PTPRD: variants seen among roughly 807,000 people sequenced by gnomAD.
The protein encoded by PTPRD is protein tyrosine phosphatase receptor type D.
In PTPRD, 34 loss-of-function variants were observed where a neutral mutation model predicts 214.5. The ratio of observed to expected loss-of-function variants is 0.16; its 90% confidence interval spans 0.12 to 0.21. PTPRD has a LOEUF of 0.21. Ranked by LOEUF, PTPRD falls within the 10% of genes least tolerant of loss-of-function variation. PTPRD has a pLI of 1.00. For missense variants in PTPRD, 2,545 were observed against 2,398.7 expected, an observed-to-expected ratio of 1.06 and a Z score of -1.27; for synonymous variants, 1,128 against 845.7, an observed-to-expected ratio of 1.33 and a Z score of -5.79.
chr9:9,841,791 A>G (rs1471924336), intron 5 of PTPRD, among the ~76,000 whole-genome samples: 3 of 152,060 alleles, frequency 2.0e-5, no homozygotes, highest in Non-Finnish European at 4.4e-5. Context: ...TAACCCATAC[A>G]CACATGCCAT....
chr9:8,755,224 A>C (rs551233410), intron 11 of PTPRD, among the ~76,000 whole-genome samples: 1 of 149,986 alleles, frequency 6.7e-6, no homozygotes, highest in African/African-American at 2.5e-5. Flanking sequence ...TTATTAAAAA[A>C]AAAAAAAACA....
At chr9:8,682,229 G>A (rs573744629) in intron 12 of PTPRD, among the ~76,000 whole-genome samples, 48 of 152,318 alleles carry the variant, frequency 3.2e-4, no homozygotes, top group African/African-American at 1.1e-3. Flanking sequence ...CACGAGAGAA[G>A]TCTAAATAAG....
intron 8 of PTPRD, among the ~76,000 whole-genome samples, chr9:9,573,310 T>A (rs1205679123): frequency 6.6e-6 from 1 of 151,448 alleles, no homozygotes; most frequent in Non-Finnish European, 1.5e-5. Context: ...CAAAGATACT[T>A]CTTATGTTCT....
intron 2 of PTPRD, among the ~76,000 whole-genome samples, chr9:10,481,024 T>C (rs1397175928): frequency 7.3e-6 from 1 of 136,440 alleles, no homozygotes; most frequent in Non-Finnish European, 1.6e-5. Flanking sequence ...CTTCCCTGCA[T>C]CTCATTTGGT....
At chr9:9,472,189 C>CTTTTTTTTT (rs1220396472) in intron 8 of PTPRD, among the ~76,000 whole-genome samples, 2 of 82,826 alleles carry the variant, frequency 2.4e-5, no homozygotes, top group Non-Finnish European at 5.0e-5. Context: ...CTACTCCAAT[C>CTTTTTTTTT]TTTTTTTTTT....
intron 2 of PTPRD, among the ~76,000 whole-genome samples, chr9:10,378,747 T>G (rs909559828): frequency 1.3e-5 from 2 of 152,056 alleles, no homozygotes; most frequent in Non-Finnish European, 2.9e-5. Flanking sequence ...AGTCAGGTAA[T>G]GTGAATCCCC....
chr9:8,645,889 C>A (rs2096677015), intron 12 of PTPRD, among the ~76,000 whole-genome samples: 1 of 151,966 alleles, frequency 6.6e-6, no homozygotes, highest in African/African-American at 2.4e-5. Flanking sequence ...CTCCCATATA[C>A]CCCACCTAAC....
chr9:10,147,122 G>A (rs1052282430), intron 3 of PTPRD, among the ~76,000 whole-genome samples: 1 of 152,154 alleles, frequency 6.6e-6, no homozygotes, highest in East Asian at 1.9e-4. Context: ...AAGGGATCTA[G>A]AGTATTTTAT....
At chr9:8,342,108 G>A (rs1852986691) in intron 39 of PTPRD, 130 bp from the exon 40 acceptor site, 2 of 972,952 alleles carry the variant, frequency 2.1e-6, no homozygotes, top group South Asian at 2.1e-5. Context: ...CTATTGGGAT[G>A]ACTTTGTAAT....
At position 10,503,208 on chromosome 9, in the gene PTPRD, C is replaced by CAA. The variant is rs1182534691; in HGVS notation, c.-600+109188_-600+109189dup. ...AGCTGCAATACAAAAAAAAAAAAAA[C>CAA]AAAAAAAAACACCATTTTTTTCCCA... On this transcript the variant is annotated intron_variant, in intron 2 of 45. Transcript: ENST00000381196. 2.4e-3 allele frequency among the ~76,000 whole-genome samples: 290 copies of CAA among 118,466 alleles called. 6 individuals carry two copies. Among genetic ancestry groups the CAA allele is most frequent in the African/African-American group, 7.2e-3 (240 of 33,252 alleles). 77.7% of individuals were successfully genotyped at this position (118,466 alleles called of 152,430 possible). A position where few individuals can be genotyped will look rare whatever the true frequency, so the allele number is the denominator to read the frequency against.
intron 8 of PTPRD, among the ~76,000 whole-genome samples, chr9:9,525,393 G>A (rs1178339964): frequency 6.6e-6 from 1 of 152,002 alleles, no homozygotes; most frequent in Admixed American, 6.6e-5. Flanking sequence ...TCAGTATACT[G>A]CAATCGATGT....
intron 5 of PTPRD, among the ~76,000 whole-genome samples, chr9:9,882,450 C>A (rs1164492133): frequency 6.6e-6 from 1 of 152,068 alleles, no homozygotes; most frequent in Non-Finnish European, 1.5e-5. Context: ...GTAGTCCCAC[C>A]ATTCTAGGCT....
intron 2 of PTPRD, among the ~76,000 whole-genome samples, chr9:10,390,605 G>A (rs1013729219): frequency 6.6e-6 from 1 of 151,752 alleles, no homozygotes; most frequent in African/African-American, 2.4e-5. Context: ...AAATCTGGAA[G>A]AATGATAATG....
chr9:10,590,296 C>CT (rs994790839), intron 2 of PTPRD, among the ~76,000 whole-genome samples: 12 of 151,746 alleles, frequency 7.9e-5, no homozygotes, highest in Admixed American at 1.3e-4. Context: ...TCATGACAAT[C>CT]TTTTTTTTAC....
intron 7 of PTPRD, among the ~76,000 whole-genome samples, chr9:9,641,042 A>AT (rs1431153334): frequency 3.1e-5 from 3 of 97,876 alleles, no homozygotes; most frequent in Non-Finnish European, 5.7e-5. Context: ...ATTACTAATG[A>AT]TTTTGGCAGC....
At chr9:9,710,000 A>T (rs1013969614) in intron 7 of PTPRD, among the ~76,000 whole-genome samples, 11 of 152,062 alleles carry the variant, frequency 7.2e-5, no homozygotes, top group African/African-American at 2.7e-4. Context: ...GAATAGCATC[A>T]TGCTGATTAC....
At chr9:8,406,285 TTGAACCA>T (rs1564587871) in intron 35 of PTPRD, among the ~76,000 whole-genome samples, 1 of 152,198 alleles carries the variant, frequency 6.6e-6, no homozygotes, top group Non-Finnish European at 1.5e-5. Flanking sequence ...CAAGTCAACC[TTGAACCA>T]TGTCCACACA....
intron 3 of PTPRD, among the ~76,000 whole-genome samples, chr9:10,106,354 T>C (rs1025123153): frequency 6.6e-6 from 1 of 151,936 alleles, no homozygotes; most frequent in Non-Finnish European, 1.5e-5. Flanking sequence ...ATTTAATAAT[T>C]TATTCATTAC....
At chr9:9,917,663 G>T (rs1206066654) in intron 5 of PTPRD, among the ~76,000 whole-genome samples, 1 of 151,832 alleles carries the variant, frequency 6.6e-6, no homozygotes, top group South Asian at 2.1e-4. Flanking sequence ...CAAGCCAATA[G>T]CCTGATGAAC....
Sources: gnomAD v4.1 joint callset for allele counts (sites outside exome capture counted in the v4.1 genomes callset) on GRCh38, gnomAD v4.1.1 for gene constraint, MANE v1.5 for transcripts, NCBI Gene and HGNC (gene_info 2026-07-23, HGNC 2026-07-21) for gene names.